Variants in MDGA2 observed in about 807,000 individuals in gnomAD.
MDGA2 encodes MAM domain containing glycosylphosphatidylinositol anchor 2.
In MDGA2, 40 loss-of-function variants were observed where a neutral mutation model predicts 117.8. The observed-to-expected ratio is 0.34, with a 90% CI of 0.26 to 0.44. MDGA2 has a LOEUF of 0.44. Among genes scored for constraint, MDGA2 ranks in the 20% least tolerant of loss-of-function variants. The probability of loss-of-function intolerance (pLI) is 1.00; values close to 1 mark genes in which losing one functional copy is unlikely to be tolerated. For missense variants in MDGA2, 1,123 were observed against 1,250.6 expected (o/e 0.90, Z 1.54); for synonymous variants, 452 against 439.0 (o/e 1.03, Z -0.37).
chr14:47,517,525 T>C (rs543269148), intron 1 of MDGA2, among the ~76,000 whole-genome samples: 1 of 152,046 alleles, frequency 6.6e-6, no homozygotes, highest in African/African-American at 2.4e-5. Flanking sequence ...TGAAAAAAAA[T>C]CACATATATG....
At chr14:47,343,065 C>A (rs1209969782) in intron 1 of MDGA2, 2 of 1,283,270 alleles carry the variant, frequency 1.6e-6, no homozygotes, top group Admixed American at 2.4e-5. Context: ...CGGCAGATCC[C>A]AAGGGATTCA....
intron 5 of MDGA2, among the ~76,000 whole-genome samples, chr14:47,127,723 TTAAA>T (rs1484081633): frequency 2.0e-5 from 3 of 152,188 alleles, no homozygotes; most frequent in South Asian, 2.1e-4. Flanking sequence ...AGCTGAAAGG[TTAAA>T]TAAAGTATCT....
intron 1 of MDGA2, among the ~76,000 whole-genome samples, chr14:47,585,020 A>G (rs1376464785): frequency 2.6e-5 from 4 of 151,908 alleles, no homozygotes; most frequent in Non-Finnish European, 4.4e-5. Flanking sequence ...AATGTTCCTT[A>G]TAACAGTTAA....
chr14:46,899,158 T>C (rs1368594203), intron 10 of MDGA2, among the ~76,000 whole-genome samples: 4 of 152,056 alleles, frequency 2.6e-5, no homozygotes, highest in Non-Finnish European at 5.9e-5. Flanking sequence ...ACTGAAGATT[T>C]TTCCTCTGAG....
At chr14:47,507,925 A>G (rs562527673) in intron 1 of MDGA2, among the ~76,000 whole-genome samples, 1 of 152,216 alleles carries the variant, frequency 6.6e-6, no homozygotes, top group Non-Finnish European at 1.5e-5. Flanking sequence ...TGCAACTTTA[A>G]TGTAGTCCAG....
chr14:47,052,761 T>C (rs963849677), intron 7 of MDGA2, among the ~76,000 whole-genome samples: 4 of 151,944 alleles, frequency 2.6e-5, no homozygotes, highest in African/African-American at 9.7e-5. Flanking sequence ...TGAGTGTCTA[T>C]AATGCTACCT....
intron 9 of MDGA2, among the ~76,000 whole-genome samples, chr14:46,950,428 G>A (rs944022226): frequency 1.3e-5 from 2 of 151,952 alleles, no homozygotes; most frequent in Non-Finnish European, 2.9e-5. Flanking sequence ...AGATGATAAG[G>A]ATATGTATGG....
chr14:47,422,774 T>C (rs1276154665), intron 1 of MDGA2, among the ~76,000 whole-genome samples: 1 of 152,140 alleles, frequency 6.6e-6, no homozygotes, highest in Non-Finnish European at 1.5e-5. Flanking sequence ...TCAAATGCCA[T>C]CAACATGAAA....
At chr14:47,596,496 C>A (rs1230421582) in intron 1 of MDGA2, among the ~76,000 whole-genome samples, 1 of 152,118 alleles carries the variant, frequency 6.6e-6, no homozygotes, top group Non-Finnish European at 1.5e-5. Context: ...ATGCACGTGA[C>A]GTTTGTTTTT....
chr14:47,508,371 C>CTCTCTCTCTCTCTCTG, intron 1 of MDGA2, among the ~76,000 whole-genome samples: 1 of 150,374 alleles, frequency 6.7e-6, no homozygotes, highest in African/African-American at 2.4e-5. Flanking sequence ...CTCTCTCTCT[C>CTCTCTCTCTCTCTCTG]TCTCTCTCTC....
In MDGA2 at chr14:46,949,627, G is replaced by C. The variant is rs565542689; in HGVS notation, c.2089+7747C>G. 2.0e-5 allele frequency among the ~76,000 whole-genome samples: 3 copies of C among 152,006 alleles called. No homozygotes were observed. The South Asian group carries it at 6.2e-4, about 32-fold the overall frequency. ...CTGAGTTTTGATTTTCTGTTTCTGA[G>C]TGATTTCACTTAGAATAATGGCTTC... On this transcript the variant is annotated intron_variant, in intron 9 of 16. Coordinates refer to ENST00000399232, the MANE Select transcript of MDGA2 (RefSeq NM_001113498.3).
At position 47,320,874 on chromosome 14, in the gene MDGA2, G is replaced by A. The variant is rs140886872; in HGVS notation, c.281-19324C>T. On this transcript the variant is annotated intron_variant, in intron 1 of 16. Coordinates refer to ENST00000399232, the MANE Select transcript of MDGA2 (RefSeq NM_001113498.3). ...GTACTTGTGTTTGCCCTAAAGTTAG[G>A]GGAAATCTATCAATCTCTGCCATTT... is the stretch of plus-strand genomic sequence containing the variant. 1.6e-4 allele frequency among the ~76,000 whole-genome samples: 25 copies of A among 152,134 alleles called. No homozygotes were observed. The East Asian group carries it at 4.6e-3, about 28-fold the overall frequency.
chr14:46,901,821 C>T (rs1883297031), intron 10 of MDGA2, among the ~76,000 whole-genome samples: 1 of 152,188 alleles, frequency 6.6e-6, no homozygotes, highest in Non-Finnish European at 1.5e-5. Context: ...CTCTGAACCA[C>T]ATTGGCATGG....
intron 1 of MDGA2, among the ~76,000 whole-genome samples, chr14:47,510,532 T>C (rs1039285552): frequency 7.2e-5 from 11 of 152,240 alleles, no homozygotes; most frequent in African/African-American, 2.7e-4. Flanking sequence ...TTTATTGTGA[T>C]TGTTTAACTC....
chr14:47,154,771 A>G (rs1435857362), intron 3 of MDGA2, among the ~76,000 whole-genome samples: 2 of 152,048 alleles, frequency 1.3e-5, no homozygotes, highest in Non-Finnish European at 2.9e-5. Flanking sequence ...GCCTGCAGGC[A>G]CTCCCTAGCA....
chr14:47,286,495 C>T (rs1210203049), intron 2 of MDGA2, among the ~76,000 whole-genome samples: 6 of 151,940 alleles, frequency 3.9e-5, no homozygotes, highest in African/African-American at 1.2e-4. Flanking sequence ...TCTTTCTGTG[C>T]CTGTTTTATT....
chr14:47,188,783 AT>A (rs1453114924), intron 3 of MDGA2, among the ~76,000 whole-genome samples: 1 of 152,130 alleles, frequency 6.6e-6, no homozygotes, highest in East Asian at 1.9e-4. Context: ...GAGGAGATTC[AT>A]TTCTAGCACG....
intron 1 of MDGA2, among the ~76,000 whole-genome samples, chr14:47,651,021 A>T (rs1897630425): frequency 6.6e-6 from 1 of 152,106 alleles, no homozygotes; most frequent in African/African-American, 2.4e-5. Flanking sequence ...TTAATATTAG[A>T]AGCTTTTTGG....
intron 2 of MDGA2, among the ~76,000 whole-genome samples, chr14:47,269,292 A>T (rs1888067973): frequency 6.6e-6 from 1 of 152,164 alleles, no homozygotes; most frequent in Non-Finnish European, 1.5e-5. Flanking sequence ...GTCATCATTA[A>T]CTATATTCAT....
Sources: allele counts gnomAD v4.1 joint callset (sites outside exome capture counted in the v4.1 genomes callset), GRCh38; gene constraint gnomAD v4.1.1; transcripts MANE v1.5; gene names NCBI Gene and HGNC (gene_info 2026-07-23, HGNC 2026-07-21).